EIPR1: variants seen among roughly 807,000 people sequenced by gnomAD.
EIPR1 encodes EARP complex and GARP complex interacting protein 1.
EIPR1 carries 25 observed loss-of-function variants against 48.1 expected under a neutral mutation model. That is an observed-to-expected ratio of 0.52 (90% CI 0.38 to 0.73). The LOEUF is 0.73. Among genes scored for constraint, EIPR1 ranks in the 30% least tolerant of loss-of-function variants. The pLI, the probability that EIPR1 is intolerant of heterozygous loss-of-function variation, is 0.00. For synonymous variants in EIPR1, 204 were observed against 201.9 expected, an observed-to-expected ratio of 1.01 and a Z score of -0.09; for missense variants, 415 against 506.2, an observed-to-expected ratio of 0.82 and a Z score of 1.73.
chr2:3,272,767 A>G (rs1667736377), intron 3 of EIPR1, among the ~76,000 whole-genome samples: 1 of 152,064 alleles, frequency 6.6e-6, no homozygotes, highest in African/African-American at 2.4e-5. Flanking sequence ...TAAAGCTGGC[A>G]CATGTAATTG....
At chr2:3,272,246 G>A (rs944835351) in intron 3 of EIPR1, among the ~76,000 whole-genome samples, 2 of 152,200 alleles carry the variant, frequency 1.3e-5, no homozygotes, top group Admixed American at 6.5e-5. Context: ...CAGCAAGAAG[G>A]CTGTTTGGCT....
chr2:3,237,331 G>A (rs1008679636), intron 4 of EIPR1, among the ~76,000 whole-genome samples: 5 of 151,098 alleles, frequency 3.3e-5, no homozygotes, highest in African/African-American at 1.2e-4. Context: ...GTTACCTGAG[G>A]TCAGCCACAG....
At chr2:3,306,196 C>T (rs893587066) in intron 3 of EIPR1, among the ~76,000 whole-genome samples, 6 of 152,204 alleles carry the variant, frequency 3.9e-5, no homozygotes, top group South Asian at 4.1e-4. Context: ...GGTCCCGCCC[C>T]GCCCCTTCCC....
At chr2:3,324,713 T>C (rs1184156292) in intron 3 of EIPR1, among the ~76,000 whole-genome samples, 1 of 152,248 alleles carries the variant, frequency 6.6e-6, no homozygotes, top group African/African-American at 2.4e-5. Flanking sequence ...GATGATGCAG[T>C]AGGCAGGAGG....
At chr2:3,285,693 C>T (rs555456994) in intron 3 of EIPR1, among the ~76,000 whole-genome samples, 21 of 145,182 alleles carry the variant, frequency 1.4e-4, no homozygotes, top group African/African-American at 4.6e-4. Flanking sequence ...CAGAAGTCAC[C>T]GACTGTCTCC....
At chr2:3,194,549 A>T (rs1348124367) in intron 6 of EIPR1, among the ~76,000 whole-genome samples, 1 of 152,252 alleles carries the variant, frequency 6.6e-6, no homozygotes, top group Admixed American at 6.5e-5. Flanking sequence ...CATTTCTGGA[A>T]GGACACAGTG....
intron 5 of EIPR1, among the ~76,000 whole-genome samples, chr2:3,202,038 C>T (rs775449168): frequency 2.6e-5 from 4 of 152,108 alleles, no homozygotes; most frequent in Non-Finnish European, 4.4e-5. Flanking sequence ...CCGGGGTTCA[C>T]GCCATTCTCC....
At chr2:3,244,208 A>C (rs1190696012) in intron 4 of EIPR1, among the ~76,000 whole-genome samples, 3 of 152,168 alleles carry the variant, frequency 2.0e-5, no homozygotes, top group Non-Finnish European at 4.4e-5. Flanking sequence ...GAATCATAAC[A>C]CATTTCTAGG....
Position 3,286,526 on chromosome 2 carries a change from A to G in EIPR1, c.260-29071T>C, listed in dbSNP as rs1352974451. Among the ~76,000 whole-genome samples the G allele has an allele frequency of 6.6e-6, 1 of 152,204 alleles. No individual in the cohort carries two copies. Among genetic ancestry groups the G allele is most frequent in the Non-Finnish European group, 1.5e-5 (1 of 68,026 alleles). On this transcript the variant is annotated intron_variant, in intron 3 of 8. Coordinates refer to ENST00000382125, the MANE Select transcript of EIPR1 (RefSeq NM_003310.5). The surrounding 1 kb of genome is among the most constrained non-coding windows in gnomAD (Gnocchi z 4.2). ...TGGTGTCCGTGACAGGGAAAGGCTG[A>G]GGCATCAGGCTTCGGGCTGTGTCTA...
intron 4 of EIPR1, among the ~76,000 whole-genome samples, chr2:3,248,364 C>T (rs768854112): frequency 7.9e-5 from 12 of 152,052 alleles, no homozygotes; most frequent in Admixed American, 1.3e-4. Flanking sequence ...GAGGCCAAGG[C>T]GGGTGGATCA....
At chr2:3,208,355 G>A (rs542677764) in intron 5 of EIPR1, 72 of 1,112,528 alleles carry the variant, frequency 6.5e-5, no homozygotes, top group East Asian at 2.1e-4. Flanking sequence ...CTCTGTGCCC[G>A]GGTGGGACTC....
intron 1 of EIPR1, among the ~76,000 whole-genome samples, chr2:3,376,690 CAAA>C (rs67873034): frequency 1.7e-4 from 21 of 124,964 alleles, no homozygotes; most frequent in Admixed American, 4.0e-4. Context: ...GACTCCATCT[CAAA>C]AAAAAAAAAA....
intron 3 of EIPR1, among the ~76,000 whole-genome samples, chr2:3,310,231 C>T (rs1669081431): frequency 1.3e-5 from 2 of 152,070 alleles, no homozygotes; most frequent in South Asian, 2.1e-4. Flanking sequence ...AATAGCTATC[C>T]GTTCTGAAGA....
intron 3 of EIPR1, among the ~76,000 whole-genome samples, chr2:3,288,176 A>T (rs1668264863): frequency 6.6e-6 from 1 of 152,216 alleles, no homozygotes; most frequent in Admixed American, 6.5e-5. Context: ...GCCTTGGCAC[A>T]TGCTTGTCCT....
At chr2:3,353,481 T>G (rs1670640675) in intron 2 of EIPR1, among the ~76,000 whole-genome samples, 1 of 152,228 alleles carries the variant, frequency 6.6e-6, no homozygotes, top group Admixed American at 6.5e-5. Context: ...GGAATACTAT[T>G]CACTGTGAGT....
At chr2:3,364,668 T>C (rs1022637391) in intron 1 of EIPR1, among the ~76,000 whole-genome samples, 4 of 149,266 alleles carry the variant, frequency 2.7e-5, no homozygotes, top group Admixed American at 2.0e-4. Flanking sequence ...AAAAAAAGAA[T>C]GAAATCTTGT....
intron 5 of EIPR1, among the ~76,000 whole-genome samples, chr2:3,198,202 G>A (rs1287202551): frequency 1.3e-5 from 2 of 152,234 alleles, no homozygotes; most frequent in African/African-American, 4.8e-5. Flanking sequence ...TTTCTGGAAA[G>A]AGCGCACTGG....
At chr2:3,215,027 G>T (rs1032404644) in intron 4 of EIPR1, among the ~76,000 whole-genome samples, 1 of 152,208 alleles carries the variant, frequency 6.6e-6, no homozygotes, top group Non-Finnish European at 1.5e-5. Context: ...GCCCTCACCA[G>T]GAAATGAATC....
intron 4 of EIPR1, among the ~76,000 whole-genome samples, chr2:3,229,118 T>C (rs1666158800): frequency 6.6e-6 from 1 of 152,246 alleles, no homozygotes; most frequent in South Asian, 2.1e-4. Context: ...TTGCAGTTGT[T>C]GTCCAGTCCA....
Sources: allele counts gnomAD v4.1 joint callset (sites outside exome capture counted in the v4.1 genomes callset), GRCh38; gene constraint gnomAD v4.1.1; non-coding constraint Gnocchi (gnomAD v3.1); transcripts MANE v1.5; gene names NCBI Gene and HGNC (gene_info 2026-07-23, HGNC 2026-07-21).